OC90: variants seen among roughly 807,000 people sequenced by gnomAD.
OC90 encodes the protein otoconin 90.
OC90 carries 46 observed loss-of-function variants against 47.3 expected under a neutral mutation model. The observed-to-expected ratio is 0.97, with a 90% CI of 0.77 to 1.24. The LOEUF (loss-of-function observed/expected upper bound fraction) is 1.24, where lower values mean the gene tolerates loss of function less well. Among genes scored for constraint, OC90 ranks in the 50% most tolerant of loss-of-function variants. The pLI is 0.00. For missense variants in OC90, 688 were observed against 583.9 expected, an observed-to-expected ratio of 1.18 and a Z score of -1.84; for synonymous variants, 271 against 219.5, an observed-to-expected ratio of 1.23 and a Z score of -2.07.
chr8:132,037,373 G>A (rs894810420), intron 9 of OC90, 65 bp downstream of exon 9: 33 of 1,323,554 alleles, frequency 2.5e-5, no homozygotes, highest in South Asian at 5.0e-5. Context: ...TTGTTTAAAC[G>A]TGTATAGTCC....
At chr8:132,055,354 T>C (rs1237829491) in intron 1 of OC90, among the ~76,000 whole-genome samples, 3 of 152,202 alleles carry the variant, frequency 2.0e-5, no homozygotes, top group African/African-American at 4.8e-5. Context: ...ATTGATTCCA[T>C]GGTCATTTCT....
chr8:132,044,287 T>C (rs1221116474), intron 4 of OC90, 146 bp downstream of exon 4: 1 of 622,920 alleles, frequency 1.6e-6, no homozygotes. Flanking sequence ...ACTACTCTCG[T>C]CGGAACTTGG....
chr8:132,038,983 G>C lies in OC90; in HGVS notation c.586+12C>G, dbSNP rs747307408. On this transcript the variant is annotated intron_variant, in intron 7 of 13. Coordinates refer to ENST00000254627, the MANE Select transcript of OC90 (RefSeq NM_001080399.3). ...CTCAGCCCCACGGCTGATGCAGCCA[G>C]GTTCTTCCTACCTGGAGTCTGAGCC... 1 of 1,613,978 alleles carries C rather than the reference G, an allele frequency of 6.2e-7. No individual in the cohort carries two copies. The highest frequency in any genetic ancestry group is 1.1e-5 in the South Asian group (1 of 91,078).
At chr8:132,040,939 G>A in intron 6 of OC90, 105 bp downstream of exon 6, 1 of 735,128 alleles carries the variant, frequency 1.4e-6, no homozygotes, top group Non-Finnish European at 2.5e-6. Context: ...TGCCAGTGGT[G>A]ACGATGATGT....
At chr8:132,024,894 A>T in intron 13 of OC90, 118 bp from the exon 14 acceptor site, 1 of 827,918 alleles carries the variant, frequency 1.2e-6, no homozygotes. Flanking sequence ...ACACACCTTC[A>T]GGGTATCCAC....
intron 6 of OC90, among the ~76,000 whole-genome samples, chr8:132,039,736 G>A (rs6471030): frequency 0.73 from 111,018 of 151,888 alleles, 40,780 homozygotes; most frequent in East Asian, 0.77. Flanking sequence ...AGGCCTCTCA[G>A]GCCTCAGGGC....
intron 4 of OC90, among the ~76,000 whole-genome samples, chr8:132,043,928 T>A (rs766642010): frequency 6.6e-6 from 1 of 152,200 alleles, no homozygotes; most frequent in African/African-American, 2.4e-5. Flanking sequence ...GTACTTCTAG[T>A]AGTTGATGAT....
intron 3 of OC90, among the ~76,000 whole-genome samples, chr8:132,045,096 C>G (rs1220567185): frequency 6.6e-6 from 1 of 152,196 alleles, no homozygotes; most frequent in East Asian, 1.9e-4. Context: ...CCAAGTGTGG[C>G]CTGTGAGTCT....
chr8:132,038,713 G>A (rs935857121), intron 8 of OC90, 77 bp downstream of exon 8: 5 of 1,135,026 alleles, frequency 4.4e-6, no homozygotes, highest in East Asian at 4.8e-5. Flanking sequence ...AGGCCTGGTG[G>A]AGGAGGTGTA....
chr8:132,044,839 G>A (rs1373317956), intron 3 of OC90, among the ~76,000 whole-genome samples: 1 of 152,194 alleles, frequency 6.6e-6, no homozygotes, highest in Admixed American at 6.5e-5. Context: ...CCTACTGGGT[G>A]TCCTAGAAAT....
intron 9 of OC90, 54 bp downstream of exon 9, chr8:132,037,384 C>T: frequency 1.4e-6 from 2 of 1,430,300 alleles, no homozygotes; most frequent in Non-Finnish European, 1.9e-6. Flanking sequence ...TGTATAGTCC[C>T]TCCCCACTCT....
At chr8:132,041,796 C>G in intron 4 of OC90, 97 bp from the exon 5 acceptor site, 1 of 649,172 alleles carries the variant, frequency 1.5e-6, no homozygotes, top group East Asian at 2.8e-5. Context: ...GCTGATGGTG[C>G]CTTATCAACC....
chr8:132,028,543 AAAGAAAGAAAGAAAGAAAGAAAGGAAGG>A (rs1313658822), intron 13 of OC90, among the ~76,000 whole-genome samples: 2,218 of 63,274 alleles, frequency 0.035, 71 homozygotes, highest in African/African-American at 0.13. Flanking sequence ...AGAAAGAAAG[AAAGAAAGAAAGAAAGAAAGAAAGGAAGG>A]AAGGAAGGAA....
chr8:132,041,455 G>T, intron 5 of OC90, 70 bp downstream of exon 5: 1 of 1,394,676 alleles, frequency 7.2e-7, no homozygotes, highest in Non-Finnish European at 9.8e-7. Flanking sequence ...TTGTGCTCTT[G>T]CCAAGGTATC....
intron 4 of OC90, among the ~76,000 whole-genome samples, chr8:132,042,690 C>T (rs1823071520): frequency 6.6e-6 from 1 of 152,128 alleles, no homozygotes; most frequent in Non-Finnish European, 1.5e-5. Flanking sequence ...TCCCTCCATG[C>T]TAAATGCAAA....
intron 9 of OC90, 49 bp downstream of exon 9, chr8:132,037,389 C>A (rs765954344): frequency 4.8e-6 from 7 of 1,467,398 alleles, no homozygotes; most frequent in Non-Finnish European, 5.6e-6. Flanking sequence ...AGTCCCTCCC[C>A]ACTCTCATTG....
At chr8:132,033,391 C>T (rs1822906456) in intron 10 of OC90, among the ~76,000 whole-genome samples, 1 of 152,168 alleles carries the variant, frequency 6.6e-6, no homozygotes, top group Non-Finnish European at 1.5e-5. Context: ...GCTAGACCAC[C>T]TGGATGACAT....
intron 4 of OC90, among the ~76,000 whole-genome samples, chr8:132,043,082 A>G (rs914507482): frequency 1.3e-5 from 2 of 152,242 alleles, no homozygotes; most frequent in Admixed American, 6.5e-5. Context: ...TTGAGTCACT[A>G]TTAGTTCACT....
At chr8:132,042,465 A>T (rs1434399934) in intron 4 of OC90, among the ~76,000 whole-genome samples, 1 of 152,184 alleles carries the variant, frequency 6.6e-6, no homozygotes, top group African/African-American at 2.4e-5. Context: ...CGGGGTCCCA[A>T]CAATCCCCTC....
Sources: gnomAD v4.1 joint callset for allele counts (sites outside exome capture counted in the v4.1 genomes callset) on GRCh38, gnomAD v4.1.1 for gene constraint, MANE v1.5 for transcripts, NCBI Gene and HGNC (gene_info 2026-07-23, HGNC 2026-07-21) for gene names.